Variants in FAT3 observed in about 807,000 individuals in gnomAD.
FAT3 encodes FAT atypical cadherin 3, also known as protocadherin Fat 3.
In FAT3, 95 loss-of-function variants were observed where a neutral mutation model predicts 310.2. The ratio of observed to expected loss-of-function variants is 0.31; its 90% CI spans 0.26 to 0.36. The LOEUF (loss-of-function observed/expected upper bound fraction) is 0.36, where lower values mean the gene tolerates loss of function less well. Ranked by LOEUF, FAT3 falls within the 10% of genes least tolerant of loss-of-function variation. The pLI, the probability that FAT3 is intolerant of heterozygous loss-of-function variation, is 1.00. For synonymous variants in FAT3, 2,314 were observed against 2,192.9 expected, an observed-to-expected ratio of 1.06 and a Z score of -1.54; for missense variants, 5,408 against 5,715.6, an observed-to-expected ratio of 0.95 and a Z score of 1.74.
chr11:92,604,196 A>G (rs1404995076), intron 3 of FAT3, among the ~76,000 whole-genome samples: 1 of 152,218 alleles, frequency 6.6e-6, no homozygotes, highest in Non-Finnish European at 1.5e-5. Context: ...ACCCATAGTA[A>G]TACTGCTGAG....
chr11:92,810,187 C>T (rs763599220), intron 13 of FAT3, 111 bp downstream of exon 13: 117 of 918,918 alleles, frequency 1.3e-4, no homozygotes, highest in Non-Finnish European at 1.7e-4. Flanking sequence ...TTCTTTACCA[C>T]GAGAACATGT....
rs1212706134 is a variant in FAT3 at position 92,896,274 on chromosome 11, G to A, written c.*5161G>A. The A allele has an allele frequency of 6.6e-6, 1 of 150,684 alleles. No homozygotes were observed. The highest frequency in any genetic ancestry group is 2.4e-5 in the African/African-American group (1 of 40,890). 9.3% of individuals were successfully genotyped at this position (150,684 alleles called of 1,614,324 possible). On this transcript the variant is annotated 3_prime_UTR_variant, in exon 28 of 28. Coordinates refer to ENST00000525166, the MANE Select transcript of FAT3 (RefSeq NM_001367949.2). ...ATGGATTGTTCCTGCATATATTGCT[G>A]GTGGCAGTATTCAGTCTTGTGTTCT... is the stretch of plus-strand genomic sequence containing the variant.
intron 13 of FAT3, among the ~76,000 whole-genome samples, chr11:92,824,214 G>T (rs549875092): frequency 6.6e-6 from 1 of 151,906 alleles, no homozygotes; most frequent in Non-Finnish European, 1.5e-5. Context: ...AAAATTAGCC[G>T]GGCATGGTGG....
chr11:92,256,328 G>A (rs1233566603), intron 1 of FAT3, among the ~76,000 whole-genome samples: 2 of 151,788 alleles, frequency 1.3e-5, no homozygotes, highest in African/African-American at 4.8e-5. Flanking sequence ...ATTTCCCTCA[G>A]CAACAGAGGG....
In FAT3 at chr11:92,353,747, C is replaced by G. The variant is rs1948639504; in HGVS notation, c.1635C>G (p.Phe545Leu). ...AATCCTCCCCAGAAATTTACAGATT[C>G]ATTGTTAGAGCCTCTGACTGGGGTT... ...DFESSPEIYR[F>L]IVRASDWGSP... Residue 545 changes from phenylalanine (F) to leucine (L), a missense_variant, in exon 2 of 28, where the codon TTC becomes TTG. By Grantham distance (22) the Phe-to-Leu change is conservative (BLOSUM62 0). Around this residue, in one of 5 missense-constraint regions of FAT3, gnomAD observed 4,588 missense variants for 4,809.8 expected, o/e 0.95. Transcript: ENST00000525166. 1.2e-6 allele frequency: 2 copies of G among 1,613,842 alleles called. No homozygotes were observed. The highest frequency in any genetic ancestry group is 1.3e-5 in the African/African-American group (1 of 75,038).
In FAT3 at chr11:92,892,013, A is replaced by T. The variant is rs1385919884; in HGVS notation, c.*900A>T. ...GCAAAACTCACAAATTCAGGGGGGA[A>T]AAAAGAAAAAACGATACCTTCAAAG... On this transcript the variant is annotated 3_prime_UTR_variant, in exon 28 of 28. Coordinates refer to ENST00000525166, the MANE Select transcript of FAT3 (RefSeq NM_001367949.2). 6.9e-6 allele frequency: 1 copy of T among 144,500 alleles called. No individual in the cohort carries two copies. The highest frequency in any genetic ancestry group is 7.2e-5 in the Admixed American group (1 of 13,960). The allele number at this position is 144,500 out of a possible 1,614,324, so 9.0% of individuals were successfully genotyped here.
In FAT3 at chr11:92,607,744, A is replaced by T. The variant is rs142631973; in HGVS notation, c.3607+82796A>T. Among the ~76,000 whole-genome samples, 97 of 152,298 alleles carry T rather than the reference A, an allele frequency of 6.4e-4. 1 individual carries two copies. The highest frequency in any genetic ancestry group is 2.1e-3 in the African/African-American group (89 of 41,580). ...TATTATAATCTGTTCTTTCCACATG[A>T]GTCACATTATTTAGTCATAAAATTA... On this transcript the variant is annotated intron_variant, in intron 3 of 27. Transcript: ENST00000525166.
chr11:92,627,208 A>G (rs552527015), intron 3 of FAT3, among the ~76,000 whole-genome samples: 2 of 152,202 alleles, frequency 1.3e-5, no homozygotes, highest in Non-Finnish European at 2.9e-5. Context: ...TAAGAGGGAG[A>G]CCTCTTTATA....
chr11:92,874,156 G>A (rs1565668800), intron 22 of FAT3, among the ~76,000 whole-genome samples: 2 of 152,004 alleles, frequency 1.3e-5, no homozygotes, highest in South Asian at 2.1e-4. Context: ...TTAAGAATAC[G>A]TTGAGATCAA....
chr11:92,253,268 G>C (rs1865199172), intron 1 of FAT3, among the ~76,000 whole-genome samples: 1 of 151,798 alleles, frequency 6.6e-6, no homozygotes, highest in Non-Finnish European at 1.5e-5. Flanking sequence ...CCCTGTTTCT[G>C]AGTGGAGCTA....
At chr11:92,872,882 A>T (rs569279327) in intron 22 of FAT3, among the ~76,000 whole-genome samples, 1 of 152,344 alleles carries the variant, frequency 6.6e-6, no homozygotes, top group African/African-American at 2.4e-5. Context: ...CAACTGTAAC[A>T]GAGCTCATCC....
At chr11:92,887,741 G>A (rs1287846865) in intron 25 of FAT3, among the ~76,000 whole-genome samples, 1 of 152,164 alleles carries the variant, frequency 6.6e-6, no homozygotes, top group Admixed American at 6.5e-5. Flanking sequence ...TATGCTTATG[G>A]AGAGGGTGCT....
In FAT3 at chr11:92,832,085, C is replaced by G. The variant is rs553172042; in HGVS notation, c.9871+74C>G. The G allele has an allele frequency of 1.3e-4, 194 of 1,440,594 alleles. No individual in the cohort carries two copies. The African/African-American group carries it at 2.6e-3, about 19-fold the overall frequency. 89.2% of individuals were successfully genotyped at this position (1,440,594 alleles called of 1,614,324 possible). On this transcript the variant is annotated intron_variant, in intron 14 of 27. Transcript: ENST00000525166. ...GTGGCTCACACCTGTAAACCTAGCA[C>G]TTTGGGAGGCTGAGGCAAGAAGATC... is the stretch of plus-strand genomic sequence containing the variant.
chr11:92,239,994 A>G (rs931109190), intron 1 of FAT3, among the ~76,000 whole-genome samples: 1 of 152,108 alleles, frequency 6.6e-6, no homozygotes, highest in Non-Finnish European at 1.5e-5. Flanking sequence ...CTGAGGTTCT[A>G]TCAGAATCAC....
Position 92,353,705 on chromosome 11 carries a change from T to A in FAT3, c.1593T>A (p.Thr531=). 1 of 1,613,938 alleles carries A rather than the reference T, an allele frequency of 6.2e-7. No individual in the cohort carries two copies. The highest frequency in any genetic ancestry group is 8.5e-7 in the Non-Finnish European group (1 of 1,179,864). ...AGTTTACAGGTGTTATTAGCACAAC[T>A]GAAGAACTGGATTTTGAATCCTCCC... ...INQFTGVIST[T]EELDFESSPE... The change falls in exon 2 of 28, where the codon ACT becomes ACA. Residue 531 remains threonine, a synonymous_variant. Transcript: ENST00000525166.
At position 92,800,811 on chromosome 11, in the gene FAT3, T is replaced by C. The variant is rs1334052064; in HGVS notation, c.7798T>C (p.Phe2600Leu). The C allele has an allele frequency of 6.2e-7, 1 of 1,613,812 alleles. No homozygotes were observed. Among genetic ancestry groups the C allele is most frequent in the Admixed American group, 1.7e-5 (1 of 60,006 alleles). Residue 2600 changes from phenylalanine to leucine, a missense_variant, in exon 10 of 28, where the codon TTC becomes CTC. By Grantham distance (22) the Phe-to-Leu change is conservative (BLOSUM62 0). This residue lies in a region of FAT3 where 4,588 missense variants were observed against 4,809.8 expected (regional missense o/e 0.95). Transcript: ENST00000525166. Reference protein sequence around the residue: ...VVDENDNAPQFMTVEYRASVR... With the variant: ...VVDENDNAPQLMTVEYRASVR... Reference sequence around the variant, plus strand: ...GGATGAAAATGACAATGCTCCCCAGTTCATGACAGTGGAATATAGAGCCAG... The same window carrying C: ...GGATGAAAATGACAATGCTCCCCAGCTCATGACAGTGGAATATAGAGCCAG...
At chr11:92,587,675 C>T (rs575202607) in intron 3 of FAT3, among the ~76,000 whole-genome samples, 17 of 151,988 alleles carry the variant, frequency 1.1e-4, no homozygotes, top group South Asian at 4.2e-4. Flanking sequence ...GTCTTGAGAA[C>T]ATAGAATTTC....
intron 1 of FAT3, among the ~76,000 whole-genome samples, chr11:92,238,348 A>G (rs978524649): frequency 6.6e-5 from 10 of 152,164 alleles, no homozygotes; most frequent in Non-Finnish European, 1.5e-5. Flanking sequence ...TAAATCTTTA[A>G]GTAAAATTGA....
At position 92,575,776 on chromosome 11, in the gene FAT3, T is replaced by A. The variant is rs486106; in HGVS notation, c.3607+50828T>A. On this transcript the variant is annotated intron_variant, in intron 3 of 27. Coordinates refer to ENST00000525166, the MANE Select transcript of FAT3 (RefSeq NM_001367949.2). ...GAGGGGGTCTTTTTTTTGTTTGTTT[T>A]TTTACAAATTGTTTTTAATCTAAAT... Among the ~76,000 whole-genome samples the A allele has an allele frequency of 7.5e-4, 114 of 151,918 alleles. 1 individual carries two copies. The highest frequency in any genetic ancestry group is 1.5e-3 in the South Asian group (7 of 4,812).
Sources: allele counts gnomAD v4.1 joint callset (sites outside exome capture counted in the v4.1 genomes callset), GRCh38; gene constraint gnomAD v4.1.1; regional missense constraint gnomAD v4.1.1; transcripts MANE v1.5; gene names NCBI Gene and HGNC (gene_info 2026-07-23, HGNC 2026-07-21).